Variants in COLEC10 observed in about 807,000 individuals in gnomAD.
The protein encoded by COLEC10 is collectin-10.
In COLEC10, 22 loss-of-function variants were observed where a neutral mutation model predicts 28.4. The ratio of observed to expected loss-of-function variants is 0.78; its 90% CI spans 0.55 to 1.11. The LOEUF (loss-of-function observed/expected upper bound fraction) is 1.11. Ranked by LOEUF, COLEC10 falls within the 50% of genes least tolerant of loss-of-function variation. The pLI, the probability that COLEC10 is intolerant of heterozygous loss-of-function variation, is 0.00. For synonymous variants in COLEC10, 125 were observed against 116.1 expected (o/e 1.08, Z -0.49); for missense variants, 361 against 344.1 (o/e 1.05, Z -0.39).
intron 1 of COLEC10, among the ~76,000 whole-genome samples, chr8:119,084,764 T>C (rs1173683847): frequency 2.0e-5 from 3 of 152,172 alleles, no homozygotes; most frequent in Non-Finnish European, 2.9e-5. Flanking sequence ...TTTTAAAAAA[T>C]ATAGCAAAAA....
chr8:119,041,334 C>A (rs1814490921), intron 2 of COLEC10, among the ~76,000 whole-genome samples: 1 of 151,856 alleles, frequency 6.6e-6, no homozygotes, highest in African/African-American at 2.4e-5. Flanking sequence ...ACCTGAAGTT[C>A]TTTTTAAAAA....
upstream of COLEC10, among the ~76,000 whole-genome samples, chr8:118,992,146 G>C (rs777001441): frequency 2.0e-5 from 3 of 151,966 alleles, no homozygotes; most frequent in South Asian, 6.2e-4. Flanking sequence ...TAGTAAATGA[G>C]GAAATACATG....
chr8:118,970,347 A>G, the COLEC10 span, among the ~76,000 whole-genome samples: 1 of 152,028 alleles, frequency 6.6e-6, no homozygotes, highest in Non-Finnish European at 1.5e-5. Context: ...GCTCTCGATG[A>G]CTGTAGTTCC....
chr8:118,963,942 G>T, the COLEC10 span, among the ~76,000 whole-genome samples: 1 of 152,180 alleles, frequency 6.6e-6, no homozygotes, highest in Non-Finnish European at 1.5e-5. Flanking sequence ...TCCTTGGGGG[G>T]ATGCATGTTG....
Position 119,106,621 on chromosome 8 carries a change from A to C in COLEC10, c.*430A>C, listed in dbSNP as rs1801602413. The C allele has an allele frequency of 6.1e-6, 1 of 163,814 alleles. No homozygotes were observed. Among genetic ancestry groups the C allele is most frequent in the Non-Finnish European group, 1.4e-5 (1 of 73,760 alleles). 10.1% of individuals were successfully genotyped at this position (163,814 alleles called of 1,614,324 possible). On this transcript the variant is annotated 3_prime_UTR_variant, in exon 6 of 6. Coordinates refer to ENST00000332843, the MANE Select transcript of COLEC10 (RefSeq NM_006438.5). The stretch of plus-strand genomic sequence containing the variant: ...CCCTGGCCCAAAGCCAGACATGTAC[A>C]AGGGCTTTCTGTGAGCAATGATAAG...
the COLEC10 span, among the ~76,000 whole-genome samples, chr8:118,977,230 G>C: frequency 0.022 from 2,811 of 127,056 alleles, 67 homozygotes; most frequent in East Asian, 0.094. Context: ...TACCATTTGA[G>C]CCAGCCATCC....
chr8:119,069,629 AAT>A (rs1207445435), intron 1 of COLEC10, among the ~76,000 whole-genome samples: 882 of 42,644 alleles, frequency 0.021, 12 homozygotes, highest in South Asian at 0.027. Context: ...AAAAAAAAAA[AAT>A]ATATATATAT....
the COLEC10 span, among the ~76,000 whole-genome samples, chr8:118,981,928 G>T: frequency 6.6e-6 from 1 of 152,054 alleles, no homozygotes; most frequent in Non-Finnish European, 1.5e-5. Flanking sequence ...GTTTGTGCCA[G>T]CTGAAGTTAG....
the COLEC10 span, among the ~76,000 whole-genome samples, chr8:118,961,973 C>T: frequency 6.6e-6 from 1 of 152,088 alleles, no homozygotes; most frequent in East Asian, 1.9e-4. Context: ...TTCTCCAAGG[C>T]CTACTTGTCT....
At chr8:119,088,164 A>G (rs1815519537) in intron 1 of COLEC10, among the ~76,000 whole-genome samples, 1 of 151,422 alleles carries the variant, frequency 6.6e-6, no homozygotes. Flanking sequence ...GAATAGTGGG[A>G]AGGAAGGAGA....
chr8:118,962,088 ATGT>A, the COLEC10 span, among the ~76,000 whole-genome samples: 10 of 152,320 alleles, frequency 6.6e-5, no homozygotes, highest in South Asian at 1.9e-3. Flanking sequence ...CCATACAAAA[ATGT>A]TGTGAAACAT....
intron 1 of COLEC10, among the ~76,000 whole-genome samples, chr8:119,087,235 A>G (rs1815498001): frequency 6.6e-6 from 1 of 152,210 alleles, no homozygotes; most frequent in African/African-American, 2.4e-5. Flanking sequence ...TGGAGATGCT[A>G]GAAAAAATCA....
intron 2 of COLEC10, among the ~76,000 whole-genome samples, chr8:119,028,751 T>G (rs901554206): frequency 6.6e-6 from 1 of 152,204 alleles, no homozygotes; most frequent in African/African-American, 2.4e-5. Flanking sequence ...ATGTGAAGGC[T>G]GTTTCAAAGG....
chr8:119,011,414 A>G (rs1047502462), intron 2 of COLEC10, among the ~76,000 whole-genome samples: 5 of 150,814 alleles, frequency 3.3e-5, no homozygotes, highest in African/African-American at 1.2e-4. Context: ...AGGTAATGCC[A>G]GTCCTCCAAT....
chr8:119,003,547 T>TGAGTTATG (rs1319336746), intron 1 of COLEC10, among the ~76,000 whole-genome samples: 1 of 152,038 alleles, frequency 6.6e-6, no homozygotes, highest in Non-Finnish European at 1.5e-5. Context: ...GAAGAAAAGT[T>TGAGTTATG]GAGTTATGTA....
chr8:118,953,245 A>G, the COLEC10 span, among the ~76,000 whole-genome samples: 1 of 152,216 alleles, frequency 6.6e-6, no homozygotes, highest in Non-Finnish European at 1.5e-5. Context: ...TAAGTGAACT[A>G]GTGAATAAAT....
chr8:119,024,266 C>T (rs556964164), intron 2 of COLEC10, among the ~76,000 whole-genome samples: 37 of 152,042 alleles, frequency 2.4e-4, no homozygotes, highest in African/African-American at 6.0e-4. Context: ...TCGCTCTTGC[C>T]GTTTTTGAAG....
chr8:118,990,258 G>A, the COLEC10 span, among the ~76,000 whole-genome samples: 1 of 151,988 alleles, frequency 6.6e-6, no homozygotes, highest in Non-Finnish European at 1.5e-5. Flanking sequence ...TCTTACATAT[G>A]TATATGCATA....
chr8:118,963,318 G>A, the COLEC10 span, among the ~76,000 whole-genome samples: 1 of 152,158 alleles, frequency 6.6e-6, no homozygotes, highest in Non-Finnish European at 1.5e-5. Flanking sequence ...TCAGGGCTGA[G>A]GTTAGGATAT....
Sources: gnomAD v4.1 joint callset for allele counts (sites outside exome capture counted in the v4.1 genomes callset) on GRCh38, gnomAD v4.1.1 for gene constraint, MANE v1.5 for transcripts, NCBI Gene and HGNC (gene_info 2026-07-23, HGNC 2026-07-21) for gene names.